The following CASK variants were observed in gnomAD, a reference collection of about 807,000 sequenced individuals.
CASK encodes peripheral plasma membrane protein CASK.
A neutral mutation model predicts 82.9 loss-of-function variants in CASK; 4 were observed. That is an observed-to-expected ratio of 0.05 (90% confidence interval 0.02 to 0.11). The LOEUF (loss-of-function observed/expected upper bound fraction) is 0.11. CASK is among the 10% of genes least tolerant of loss of function. The pLI, the probability that CASK is intolerant of heterozygous loss-of-function variation, is 1.00. For missense variants in CASK, 358 were observed against 720.9 expected (o/e 0.50, Z 5.76); for synonymous variants, 259 against 253.5 (o/e 1.02, Z -0.20).
chrX:41,726,807 T>G, intron 5 of CASK: 1 of 279,418 alleles, frequency 3.6e-6, no homozygotes, highest in Non-Finnish European at 6.3e-6. Context: ...AGTAACTTTT[T>G]GTCTTTATTT....
chrX:41,817,316 T>C (rs904380079), intron 2 of CASK, among the ~76,000 whole-genome samples: 1 of 111,928 alleles, frequency 8.9e-6, no homozygotes, highest in Admixed American at 9.5e-5. Context: ...AAGAAAACAT[T>C]TGCTGTCATG....
intron 2 of CASK, among the ~76,000 whole-genome samples, chrX:41,832,455 A>G (rs1018899923): frequency 2.7e-5 from 3 of 112,578 alleles, no homozygotes; most frequent in Non-Finnish European, 3.8e-5. Context: ...AACGCTGAGA[A>G]ACCTTGTTCA....
At chrX:41,751,188 T>A (rs981186408) in intron 3 of CASK, among the ~76,000 whole-genome samples, 4 of 111,811 alleles carry the variant, frequency 3.6e-5, no homozygotes, top group African/African-American at 1.3e-4. Context: ...GCTCAGGTGA[T>A]CCTCCCGCCT....
intron 8 of CASK, among the ~76,000 whole-genome samples, chrX:41,645,151 T>G (rs931034503): frequency 9.0e-6 from 1 of 111,408 alleles, no homozygotes; most frequent in African/African-American, 3.3e-5. Flanking sequence ...TCACAGATCC[T>G]ACTACTAGAA....
At chrX:41,788,114 G>C (rs1047899298) in intron 2 of CASK, among the ~76,000 whole-genome samples, 3 of 100,022 alleles carry the variant, frequency 3.0e-5, no homozygotes, top group African/African-American at 1.1e-4. Context: ...CCGGGATCGC[G>C]TCATTGCACT....
At chrX:41,646,325 A>G (rs2147408006) in intron 8 of CASK, among the ~76,000 whole-genome samples, 1 of 111,440 alleles carries the variant, frequency 9.0e-6, no homozygotes. Context: ...AAAATGACTC[A>G]TATGGTCTAG....
At position 41,922,952 on chromosome X, in the gene CASK, C is replaced by T. The variant is rs769965673; in HGVS notation, c.37G>A (p.Glu13Lys). Reference sequence around the variant, plus strand: ...CACTTTCCGATCACCTCGCACAGCTCGTACACATCCTCGAACAGCACGTCG... The same window carrying T: ...CACTTTCCGATCACCTCGCACAGCTTGTACACATCCTCGAACAGCACGTCG... ...DDDVLFEDVYELCEVIGKGPF... is the reference protein window; with the variant it reads ...DDDVLFEDVYKLCEVIGKGPF... Residue 13 changes from glutamate (E) to lysine (K), a missense_variant, in exon 1 of 27, where the codon GAG (glutamate) becomes AAG (lysine). By Grantham distance (56) the Glu-to-Lys change is moderately conservative. Coordinates refer to ENST00000378163, the MANE Select transcript of CASK (RefSeq NM_001367721.1). 3 of 1,211,022 alleles carry T rather than the reference C, an allele frequency of 2.5e-6. No homozygotes were observed.
chrX:41,782,839 G>C (rs748242560), intron 3 of CASK, among the ~76,000 whole-genome samples: 1 of 112,107 alleles, frequency 8.9e-6, no homozygotes, highest in East Asian at 2.8e-4. Context: ...ACTTTATATA[G>C]TATGTAAAAC....
chrX:41,594,537 T>C (rs1569327688), intron 12 of CASK, among the ~76,000 whole-genome samples: 1 of 112,149 alleles, frequency 8.9e-6, no homozygotes, highest in Non-Finnish European at 1.9e-5. Flanking sequence ...TTGGGGCAGC[T>C]TGACATGTAG....
intron 3 of CASK, among the ~76,000 whole-genome samples, chrX:41,770,120 G>A (rs2147791500): frequency 9.1e-6 from 1 of 109,756 alleles, no homozygotes; most frequent in East Asian, 2.8e-4. Context: ...AAACCCACAG[G>A]GACTTCATAT....
chrX:41,577,420 T>A (rs1159062859), intron 15 of CASK, among the ~76,000 whole-genome samples: 5 of 112,069 alleles, frequency 4.5e-5, no homozygotes, highest in Non-Finnish European at 7.5e-5. Flanking sequence ...ACCCCTCTCA[T>A]ACATTCTCTA....
intron 11 of CASK, among the ~76,000 whole-genome samples, chrX:41,619,338 T>C (rs968203363): frequency 1.8e-5 from 2 of 109,147 alleles, no homozygotes; most frequent in African/African-American, 6.7e-5. Context: ...GGGATCTCAC[T>C]ATGTTGTGCA....
intron 5 of CASK, among the ~76,000 whole-genome samples, chrX:41,682,444 T>C (rs762740874): frequency 1.0e-5 from 1 of 96,108 alleles, no homozygotes; most frequent in Non-Finnish European, 2.0e-5. Context: ...TTCCAGCTAC[T>C]CAGGAGGCTG....
intron 3 of CASK, among the ~76,000 whole-genome samples, chrX:41,783,467 T>C (rs2069521751): frequency 9.4e-6 from 1 of 106,337 alleles, no homozygotes; most frequent in African/African-American, 3.5e-5. Context: ...GAGAATCGCT[T>C]GAACCTGGGA....
At chrX:41,672,061 T>TGGGTC (rs1259245167) in intron 5 of CASK, among the ~76,000 whole-genome samples, 1 of 110,581 alleles carries the variant, frequency 9.0e-6, no homozygotes, top group Non-Finnish European at 1.9e-5. Flanking sequence ...ACTACATGGA[T>TGGGTC]GGGTCAGATT....
intron 3 of CASK, among the ~76,000 whole-genome samples, chrX:41,754,044 G>A (rs2068844995): frequency 9.0e-6 from 1 of 111,496 alleles, no homozygotes; most frequent in African/African-American, 3.3e-5. Flanking sequence ...ATCAAAACTT[G>A]TAAAATGTAG....
In CASK at chrX:41,517,292, G is replaced by A. The variant is rs2064564934; in HGVS notation, c.*3128C>T. On this transcript the variant is annotated 3_prime_UTR_variant, in exon 27 of 27. Transcript: ENST00000378163. ...TTCTGAATGCAAATAGCAAGAAGTA[G>A]GTCAACCATTTGTTTTCCTCTCTGA... is the stretch of plus-strand genomic sequence containing the variant. The A allele has an allele frequency of 8.5e-6, 1 of 118,216 alleles. No homozygotes were observed. Among genetic ancestry groups the A allele is most frequent in the Admixed American group, 8.6e-5 (1 of 11,563 alleles). The allele number at this position is 118,216 out of a possible 1,213,427, so 9.7% of individuals were successfully genotyped here.
In CASK at chrX:41,828,789, G is replaced by A. The variant is rs1233149411; in HGVS notation, c.172+24326C>T. Among the ~76,000 whole-genome samples, 4 of 112,032 alleles carry A rather than the reference G, an allele frequency of 3.6e-5. No individual in the cohort carries two copies. In the Admixed American group the frequency reaches 3.8e-4, roughly 11 times the overall value. ...TACGTTGTAACTTTAGATACATTTTGCACCAATGCCTTCTGTCATTATTTT... is the reference window on the plus strand; with the variant it reads ...TACGTTGTAACTTTAGATACATTTTACACCAATGCCTTCTGTCATTATTTT... On this transcript the variant is annotated intron_variant, in intron 2 of 26. Transcript: ENST00000378163.
intron 15 of CASK, among the ~76,000 whole-genome samples, chrX:41,572,711 A>T (rs979553657): frequency 2.7e-5 from 3 of 112,275 alleles, no homozygotes; most frequent in Admixed American, 1.9e-4. Context: ...ATTATAAGAG[A>T]TTGAAGTAAT....
Sources: allele counts gnomAD v4.1 joint callset (sites outside exome capture counted in the v4.1 genomes callset), GRCh38; gene constraint gnomAD v4.1.1; transcripts MANE v1.5; gene names NCBI Gene and HGNC (gene_info 2026-07-23, HGNC 2026-07-21).